The following PEMT variants were observed in gnomAD, a reference collection of about 807,000 sequenced individuals.
PEMT encodes phospholipid methyltransferase.
Under a neutral mutation model 27.4 loss-of-function variants are expected in PEMT, and 23 were observed. The ratio of observed to expected loss-of-function variants is 0.84; its 90% CI spans 0.60 to 1.19. PEMT has a LOEUF of 1.19. Among genes scored for constraint, PEMT ranks in the 50% most tolerant of loss-of-function variants. PEMT has a pLI of 0.00. For synonymous variants in PEMT, 137 were observed against 139.1 expected (o/e 0.98, Z 0.11); for missense variants, 307 against 310.1 (o/e 0.99, Z 0.07).
intron 2 of PEMT, among the ~76,000 whole-genome samples, chr17:17,535,475 A>G (rs373860160): frequency 6.6e-6 from 1 of 151,956 alleles, no homozygotes; most frequent in East Asian, 1.9e-4. Context: ...CTGAGGCAGG[A>G]GAATGGCTTG....
At chr17:17,556,420 C>T (rs1477944805) in intron 2 of PEMT, among the ~76,000 whole-genome samples, 2 of 151,988 alleles carry the variant, frequency 1.3e-5, no homozygotes, top group East Asian at 3.9e-4. Flanking sequence ...GTCGCCCAAG[C>T]CAGAATGCAA....
At chr17:17,515,481 G>A (rs1313595367) in intron 3 of PEMT, among the ~76,000 whole-genome samples, 1 of 152,138 alleles carries the variant, frequency 6.6e-6, no homozygotes, top group Non-Finnish European at 1.5e-5. Flanking sequence ...CTTTCTCTGA[G>A]ATGACAGCCT....
In PEMT at chr17:17,513,139, G is replaced by A. The variant is rs1487470609; in HGVS notation, c.321-485C>T. Among the ~76,000 whole-genome samples, 1 of 152,222 alleles carries A rather than the reference G, an allele frequency of 6.6e-6. No individual in the cohort carries two copies. Among genetic ancestry groups the A allele is most frequent in the African/African-American group, 2.4e-5 (1 of 41,452 alleles). On this transcript the variant is annotated intron_variant, in intron 3 of 6. Coordinates refer to ENST00000255389, the MANE Select transcript of PEMT (RefSeq NM_148172.3). The surrounding 1 kb of genome is among the most constrained non-coding windows in gnomAD (Gnocchi z 4.1). ...CTCAGTGCCCCGAGGCCTGGGGCAT[G>A]CTCTGTGCTAGGGATTGCGCTTCCA...
intron 1 of PEMT, among the ~76,000 whole-genome samples, chr17:17,588,634 C>A (rs757675011): frequency 6.6e-6 from 1 of 152,174 alleles, no homozygotes; most frequent in Non-Finnish European, 1.5e-5. Context: ...GCAGGTGATT[C>A]GCTATGGAAA....
rs946389993 is a variant in PEMT at position 17,507,085 on chromosome 17, G to A, written c.579-784C>T. The A allele has an allele frequency of 1.1e-5, 15 of 1,326,754 alleles. No homozygotes were observed. In the East Asian group the frequency reaches 1.5e-4, roughly 13 times the overall value. 82.2% of individuals were successfully genotyped at this position (1,326,754 alleles called of 1,614,324 possible). On this transcript the variant is annotated intron_variant, in intron 5 of 6. Coordinates refer to ENST00000255389, the MANE Select transcript of PEMT (RefSeq NM_148172.3). ...AAGCAGCGGCAGCTCGTCAGTGACG[G>A]CACCAAGGAGCCCGGGCGCAGCTGC... is the stretch of plus-strand genomic sequence containing the variant.
chr17:17,556,488 CT>C (rs1910062689), intron 2 of PEMT, among the ~76,000 whole-genome samples: 1 of 152,144 alleles, frequency 6.6e-6, no homozygotes, highest in African/African-American at 2.4e-5. Flanking sequence ...GTTCCCCTGC[CT>C]CAGCCTCCCG....
At chr17:17,526,960 C>A (rs1049440079) in intron 2 of PEMT, among the ~76,000 whole-genome samples, 1 of 152,218 alleles carries the variant, frequency 6.6e-6, no homozygotes, top group African/African-American at 2.4e-5. Flanking sequence ...GAACAAGACC[C>A]TTTCCTAGAG....
intron 2 of PEMT, among the ~76,000 whole-genome samples, chr17:17,547,684 G>A (rs573950468): frequency 9.9e-5 from 15 of 151,194 alleles, no homozygotes; most frequent in African/African-American, 2.2e-4. Context: ...CATCCTCCTC[G>A]TCCTCCTCCT....
At chr17:17,538,311 C>G (rs1042586102) in intron 2 of PEMT, among the ~76,000 whole-genome samples, 1 of 152,244 alleles carries the variant, frequency 6.6e-6, no homozygotes. Flanking sequence ...TGTGCCATTG[C>G]TGTCACAGCT....
At chr17:17,577,687 C>T (rs995927099) in intron 1 of PEMT, among the ~76,000 whole-genome samples, 25 of 151,394 alleles carry the variant, frequency 1.7e-4, no homozygotes, top group Non-Finnish European at 3.1e-4. Flanking sequence ...AAAAAACCCA[C>T]GGCCCATTCC....
intron 2 of PEMT, among the ~76,000 whole-genome samples, chr17:17,525,309 A>C (rs986092008): frequency 3.3e-5 from 5 of 152,214 alleles, no homozygotes; most frequent in Non-Finnish European, 7.3e-5. Context: ...GTGGGAAAGA[A>C]AAAGAGGAAA....
chr17:17,525,247 C>T (rs1033544542), intron 2 of PEMT, among the ~76,000 whole-genome samples: 1 of 152,236 alleles, frequency 6.6e-6, no homozygotes, highest in African/African-American at 2.4e-5. Context: ...GCTAAATGAG[C>T]TTTCAGAACA....
chr17:17,562,419 G>A (rs1910550456), intron 2 of PEMT, among the ~76,000 whole-genome samples: 1 of 151,952 alleles, frequency 6.6e-6, no homozygotes. Context: ...GATGGGGAGG[G>A]CACTGTCCCT....
chr17:17,582,791 C>A lies in PEMT; in HGVS notation c.97-5764G>T, dbSNP rs1187134494. Among the ~76,000 whole-genome samples the A allele has an allele frequency of 6.6e-6, 1 of 152,180 alleles. No homozygotes were observed. Among genetic ancestry groups the A allele is most frequent in the Non-Finnish European group, 1.5e-5 (1 of 68,040 alleles). ...CTAAGTTTATTCTCTGGGCCGGGCG[C>A]GATGGCTCACCCCCGTAATCCCAGC... On this transcript the variant is annotated intron_variant, in intron 1 of 6. Coordinates refer to ENST00000255389, the MANE Select transcript of PEMT (RefSeq NM_148172.3). The surrounding 1 kb of genome is among the most constrained non-coding windows in gnomAD (Gnocchi z 4.9).
At chr17:17,551,556 T>C (rs537490556) in intron 2 of PEMT, among the ~76,000 whole-genome samples, 51 of 152,274 alleles carry the variant, frequency 3.3e-4, no homozygotes, top group African/African-American at 9.9e-4. Flanking sequence ...GGGGCTGAGA[T>C]GCTTTCACTC....
chr17:17,557,167 T>C (rs1198587447), intron 2 of PEMT, among the ~76,000 whole-genome samples: 1 of 152,120 alleles, frequency 6.6e-6, no homozygotes, highest in African/African-American at 2.4e-5. Context: ...CTACCACCCA[T>C]GCACCGGCTC....
At position 17,529,664 on chromosome 17, in the gene PEMT, G is replaced by A. The variant is rs936607993; in HGVS notation, c.205-7269C>T. ...ACCCGAGGGGCCATGGCACAGCGGG[G>A]GACACTCGCCTCCCCCAGCCTCAGT... is the stretch of plus-strand genomic sequence containing the variant. On this transcript the variant is annotated intron_variant, in intron 2 of 6. Transcript: ENST00000255389. Among the ~76,000 whole-genome samples, 5 of 152,172 alleles carry A rather than the reference G, an allele frequency of 3.3e-5. No homozygotes were observed. In the South Asian group the frequency reaches 1.0e-3, roughly 32 times the overall value.
chr17:17,540,776 C>T (rs563157363), intron 2 of PEMT, among the ~76,000 whole-genome samples: 210 of 152,314 alleles, frequency 1.4e-3, no homozygotes, highest in African/African-American at 4.6e-3. Context: ...GACCCCCTCG[C>T]TCCCCCACCT....
intron 4 of PEMT, among the ~76,000 whole-genome samples, chr17:17,511,036 C>A (rs1461620246): frequency 1.3e-5 from 2 of 152,014 alleles, no homozygotes; most frequent in East Asian, 1.9e-4. Context: ...CTTGCTGGGA[C>A]CCCCCCTATG....
Sources: gnomAD v4.1 joint callset for allele counts (sites outside exome capture counted in the v4.1 genomes callset) on GRCh38, gnomAD v4.1.1 for gene constraint, Gnocchi (gnomAD v3.1) non-coding constraint, MANE v1.5 for transcripts, NCBI Gene and HGNC (gene_info 2026-07-23, HGNC 2026-07-21) for gene names.